Variants in ASPRV1 observed in about 807,000 individuals in gnomAD.
ASPRV1 encodes aspartic peptidase retroviral like 1.
A neutral mutation model predicts 11.0 loss-of-function variants in ASPRV1; 7 were observed. That is an observed-to-expected ratio of 0.64 (90% confidence interval 0.36 to 1.20). The LOEUF is 1.20. Among genes scored for constraint, ASPRV1 ranks in the 50% most tolerant of loss-of-function variants. The pLI, the probability that ASPRV1 is intolerant of heterozygous loss-of-function variation, is 0.02. For missense variants in ASPRV1, 299 were observed against 320.0 expected (o/e 0.93, Z 0.50); for synonymous variants, 136 against 138.4 (o/e 0.98, Z 0.12).
At chr2:70,019,606 T>C in the ASPRV1 span, among the ~76,000 whole-genome samples, 1 of 152,178 alleles carries the variant, frequency 6.6e-6, no homozygotes, top group South Asian at 2.1e-4. Flanking sequence ...ATCCTGTCGT[T>C]TGTGACAACA....
chr2:69,935,410 A>G, the ASPRV1 span: 3 of 1,614,186 alleles, frequency 1.9e-6, no homozygotes, highest in Non-Finnish European at 2.5e-6. Flanking sequence ...CTTGGACCCG[A>G]ATCAAGTCGA....
chr2:70,005,323 G>C, the ASPRV1 span, among the ~76,000 whole-genome samples: 2 of 152,148 alleles, frequency 1.3e-5, no homozygotes, highest in Non-Finnish European at 2.9e-5. Context: ...GCCTCCCAAA[G>C]TGCTGGGCTT....
At chr2:70,062,870 A>G in the ASPRV1 span, among the ~76,000 whole-genome samples, 1 of 152,218 alleles carries the variant, frequency 6.6e-6, no homozygotes, top group Admixed American at 6.6e-5. Context: ...GCAGGACATT[A>G]CAGCCATGGG....
the ASPRV1 span, among the ~76,000 whole-genome samples, chr2:70,039,883 T>C: frequency 2.0e-5 from 3 of 152,116 alleles, no homozygotes; most frequent in South Asian, 6.2e-4. Flanking sequence ...AAATTCCCAG[T>C]GGGGGAATAG....
chr2:69,996,214 CAAAAAAA>C, the ASPRV1 span, among the ~76,000 whole-genome samples: 3 of 53,884 alleles, frequency 5.6e-5, no homozygotes, highest in South Asian at 1.2e-3. Flanking sequence ...CCCCATCTCT[CAAAAAAA>C]AAAAAAAAAA....
the ASPRV1 span, among the ~76,000 whole-genome samples, chr2:70,039,214 A>C: frequency 6.6e-6 from 1 of 152,220 alleles, no homozygotes; most frequent in East Asian, 1.9e-4. Context: ...ACTTTGTTGC[A>C]ATGTTGAATT....
chr2:70,012,096 T>C, the ASPRV1 span: 2 of 151,878 alleles, frequency 1.3e-5, no homozygotes, highest in Non-Finnish European at 2.9e-5. Flanking sequence ...GGCTCTCAAA[T>C]TATGATCCCT....
At chr2:69,993,129 C>CA in the ASPRV1 span, among the ~76,000 whole-genome samples, 1 of 152,204 alleles carries the variant, frequency 6.6e-6, no homozygotes, top group African/African-American at 2.4e-5. Flanking sequence ...ACCAAAGAAA[C>CA]AGAGACCCGG....
the ASPRV1 span, among the ~76,000 whole-genome samples, chr2:69,990,359 T>C: frequency 1.3e-5 from 2 of 152,018 alleles, no homozygotes; most frequent in Admixed American, 6.6e-5. Flanking sequence ...AATATTTGTA[T>C]TTATATTAGA....
chr2:70,085,849 T>C, the ASPRV1 span: 1 of 152,246 alleles, frequency 6.6e-6, no homozygotes, highest in African/African-American at 2.4e-5. Flanking sequence ...TCAGAGGCAC[T>C]GTAGTCTCTT....
At chr2:69,992,268 G>A in the ASPRV1 span, among the ~76,000 whole-genome samples, 2 of 152,142 alleles carry the variant, frequency 1.3e-5, no homozygotes, top group African/African-American at 2.4e-5. Flanking sequence ...GAGGGGAGTC[G>A]CTGCCTTGTC....
chr2:69,938,033 C>T, the ASPRV1 span: 1 of 1,505,460 alleles, frequency 6.6e-7, no homozygotes, highest in Non-Finnish European at 9.1e-7. Flanking sequence ...AAGCATGAGC[C>T]ACCACGCCTG....
chr2:70,024,583 A>G, the ASPRV1 span, among the ~76,000 whole-genome samples: 1 of 151,980 alleles, frequency 6.6e-6, no homozygotes, highest in Admixed American at 6.6e-5. Context: ...CCTGACCACA[A>G]TCCCCTTCTC....
the ASPRV1 span, among the ~76,000 whole-genome samples, chr2:70,076,193 CT>C: frequency 6.6e-6 from 1 of 152,202 alleles, no homozygotes; most frequent in Non-Finnish European, 1.5e-5. Context: ...ACCTTTACCC[CT>C]ACACTCAAGT....
chr2:70,017,715 TTGTC>T, the ASPRV1 span, among the ~76,000 whole-genome samples: 1 of 152,214 alleles, frequency 6.6e-6, no homozygotes, highest in Non-Finnish European at 1.5e-5. Flanking sequence ...ATGCATTTGC[TTGTC>T]TGTTAGTATT....
At chr2:70,050,001 A>G in the ASPRV1 span, 1 of 152,216 alleles carries the variant, frequency 6.6e-6, no homozygotes, top group East Asian at 1.9e-4. Flanking sequence ...AAAAAATACA[A>G]GGCTGGGCGC....
At chr2:70,039,866 G>A in the ASPRV1 span, among the ~76,000 whole-genome samples, 1 of 152,154 alleles carries the variant, frequency 6.6e-6, no homozygotes, top group South Asian at 2.1e-4. Context: ...TACAACCGGA[G>A]ACTATTAAAT....
chr2:70,028,063 C>T, the ASPRV1 span, among the ~76,000 whole-genome samples: 1 of 152,172 alleles, frequency 6.6e-6, no homozygotes, highest in East Asian at 1.9e-4. Context: ...GTCCTCAGAT[C>T]CTCCAACATA....
chr2:70,031,516 T>C, the ASPRV1 span: 1 of 151,928 alleles, frequency 6.6e-6, no homozygotes, highest in Non-Finnish European at 1.5e-5. Flanking sequence ...GCTAACATGG[T>C]AAAACCCCGT....
Sources: gnomAD v4.1 joint callset for allele counts (sites outside exome capture counted in the v4.1 genomes callset) on GRCh38, gnomAD v4.1.1 for gene constraint, MANE v1.5 for transcripts, NCBI Gene and HGNC (gene_info 2026-07-23, HGNC 2026-07-21) for gene names.